SMAD9: variants seen among roughly 807,000 people sequenced by gnomAD.
The protein encoded by SMAD9 is MAD homolog 9.
A neutral mutation model predicts 46.1 loss-of-function variants in SMAD9; 36 were observed. That is an observed-to-expected ratio of 0.78 (90% CI 0.60 to 1.03). SMAD9 has a LOEUF of 1.03. Among genes scored for constraint, SMAD9 ranks in the 50% least tolerant of loss-of-function variants. The probability of loss-of-function intolerance (pLI) is 0.00; values close to 1 mark genes in which losing one functional copy is unlikely to be tolerated. For missense variants in SMAD9, 572 were observed against 599.8 expected (o/e 0.95, Z 0.48); for synonymous variants, 245 against 237.1 (o/e 1.03, Z -0.31).
At chr13:36,872,608 T>A in intron 3 of SMAD9, 50 bp downstream of exon 3, 1 of 1,593,032 alleles carries the variant, frequency 6.3e-7, no homozygotes, top group African/African-American at 1.3e-5. Flanking sequence ...TAAATCATGA[T>A]GTTGGGCTTA....
At chr13:36,877,095 G>A (rs570475385) in intron 2 of SMAD9, among the ~76,000 whole-genome samples, 9 of 152,278 alleles carry the variant, frequency 5.9e-5, no homozygotes, top group African/African-American at 2.2e-4. Context: ...CAGGTATGGT[G>A]GCTCATGCCT....
intron 5 of SMAD9, among the ~76,000 whole-genome samples, chr13:36,854,280 G>C (rs1039846814): frequency 3.9e-5 from 6 of 151,998 alleles, no homozygotes; most frequent in Admixed American, 2.0e-4. Context: ...CTGTTTATTT[G>C]TTCCAAAAAT....
chr13:36,915,452 AGATATT>A (rs1487797097), intron 1 of SMAD9, among the ~76,000 whole-genome samples: 1 of 152,240 alleles, frequency 6.6e-6, no homozygotes, highest in Non-Finnish European at 1.5e-5. Context: ...GGAAGTGATC[AGATATT>A]AAGTATTAAA....
chr13:36,902,235 T>C (rs1447776319), intron 1 of SMAD9, among the ~76,000 whole-genome samples: 2 of 152,204 alleles, frequency 1.3e-5, no homozygotes, highest in African/African-American at 2.4e-5. Context: ...GTTGAAGACA[T>C]TGTTCTCCAC....
Position 36,916,578 on chromosome 13 carries a change from GTTA to G in SMAD9, c.-187+3535_-187+3537del, listed in dbSNP as rs2058699948. On this transcript the variant is annotated intron_variant, in intron 1 of 6. Transcript: ENST00000379826. ...CAGTGAAAAAATGTGTCATGTATTT[GTTA>G]TTTATTGATAGAGTACTATAAAGGG... Among the ~76,000 whole-genome samples, 10 of 152,138 alleles carry G rather than the reference GTTA, an allele frequency of 6.6e-5. No individual in the cohort carries two copies. The South Asian group carries it at 2.1e-3, about 32-fold the overall frequency.
At chr13:36,896,017 A>G (rs1225547204) in intron 1 of SMAD9, among the ~76,000 whole-genome samples, 1 of 152,222 alleles carries the variant, frequency 6.6e-6, no homozygotes, top group Non-Finnish European at 1.5e-5. Context: ...GAAAAGACTT[A>G]GTTTTAAAAT....
intron 1 of SMAD9, among the ~76,000 whole-genome samples, chr13:36,902,610 C>T (rs952556575): frequency 5.3e-5 from 8 of 152,052 alleles, no homozygotes; most frequent in South Asian, 2.1e-4. Context: ...CCCGCCACCA[C>T]GCCCATCTAA....
chr13:36,871,202 T>C (rs2058290157), intron 3 of SMAD9, among the ~76,000 whole-genome samples: 1 of 152,218 alleles, frequency 6.6e-6, no homozygotes, highest in Non-Finnish European at 1.5e-5. Flanking sequence ...GCCTATGGTC[T>C]GGAGCTCCAT....
At chr13:36,898,653 G>C (rs2058548991) in intron 1 of SMAD9, among the ~76,000 whole-genome samples, 1 of 151,970 alleles carries the variant, frequency 6.6e-6, no homozygotes, top group Admixed American at 6.6e-5. Flanking sequence ...AAATAAAGGA[G>C]AAATGCCATA....
In SMAD9 at chr13:36,845,199, A is replaced by G. The variant is rs1225805771; in HGVS notation, c.*3477T>C. The G allele has an allele frequency of 1.3e-5, 2 of 152,002 alleles. No homozygotes were observed. Among genetic ancestry groups the G allele is most frequent in the Non-Finnish European group, 1.5e-5 (1 of 68,000 alleles). 9.4% of individuals were successfully genotyped at this position (152,002 alleles called of 1,614,324 possible). Reference sequence around the variant, plus strand: ...ACAGTCTATCAAGTGATATTTATGAAATGTTTTTGTTGCTGTTTTGTTGCT... The same window carrying G: ...ACAGTCTATCAAGTGATATTTATGAGATGTTTTTGTTGCTGTTTTGTTGCT... On this transcript the variant is annotated 3_prime_UTR_variant, in exon 7 of 7. Transcript: ENST00000379826.
chr13:36,863,631 C>T (rs2058204707), intron 5 of SMAD9, among the ~76,000 whole-genome samples: 1 of 152,104 alleles, frequency 6.6e-6, no homozygotes, highest in African/African-American at 2.4e-5. Context: ...CTGCTTGGTG[C>T]CCTCCTTGAG....
intron 5 of SMAD9, among the ~76,000 whole-genome samples, chr13:36,855,424 G>T (rs1358254717): frequency 6.6e-6 from 1 of 151,988 alleles, no homozygotes; most frequent in African/African-American, 2.4e-5. Flanking sequence ...AGAAATTCTA[G>T]TCTAGTGAAT....
chr13:36,892,922 T>C (rs1479379030), intron 1 of SMAD9, among the ~76,000 whole-genome samples: 1 of 152,218 alleles, frequency 6.6e-6, no homozygotes, highest in East Asian at 1.9e-4. Flanking sequence ...TGTTTAGTTA[T>C]AAAATTAGAA....
intron 3 of SMAD9, among the ~76,000 whole-genome samples, chr13:36,871,918 C>T (rs1156257736): frequency 6.6e-6 from 1 of 152,196 alleles, no homozygotes; most frequent in Non-Finnish European, 1.5e-5. Context: ...CAGATTGTAA[C>T]ATCTGGCACC....
intron 5 of SMAD9, among the ~76,000 whole-genome samples, chr13:36,859,142 A>G (rs184351444): frequency 1.3e-5 from 2 of 152,372 alleles, no homozygotes; most frequent in East Asian, 3.9e-4. Context: ...TAATGACTGT[A>G]ACAGTGTGAC....
At position 36,863,887 on chromosome 13, in the gene SMAD9, T is replaced by C. The variant is rs141566624; in HGVS notation, c.1003+1650A>G. On this transcript the variant is annotated intron_variant, in intron 5 of 6. Coordinates refer to ENST00000379826, the MANE Select transcript of SMAD9 (RefSeq NM_001127217.3). Reference sequence around the variant, plus strand: ...TTACCCAGTCTCAGGTATTCCTTTATAGCAGTGAAACAGACTACCACACAC... The same window carrying C: ...TTACCCAGTCTCAGGTATTCCTTTACAGCAGTGAAACAGACTACCACACAC... Among the ~76,000 whole-genome samples the C allele has an allele frequency of 4.1e-3, 620 of 152,282 alleles. 8 individuals carry two copies. Among genetic ancestry groups the C allele is most frequent in the African/African-American group, 0.014 (583 of 41,548 alleles).
intron 1 of SMAD9, among the ~76,000 whole-genome samples, chr13:36,912,033 A>G (rs2058666007): frequency 1.3e-5 from 2 of 152,170 alleles, no homozygotes; most frequent in African/African-American, 4.8e-5. Flanking sequence ...TTTATTTGCT[A>G]AAGAGAAGCA....
At chr13:36,898,214 T>C (rs1000053321) in intron 1 of SMAD9, among the ~76,000 whole-genome samples, 1 of 151,984 alleles carries the variant, frequency 6.6e-6, no homozygotes, top group African/African-American at 2.4e-5. Flanking sequence ...GTAGGTAACA[T>C]AGTTGGTCTA....
intron 1 of SMAD9, among the ~76,000 whole-genome samples, chr13:36,883,314 TCA>T (rs1391791825): frequency 3.9e-5 from 6 of 152,072 alleles, no homozygotes; most frequent in Non-Finnish European, 7.3e-5. Context: ...AATATTTCTC[TCA>T]GTTACTACAT....
Sources: allele counts gnomAD v4.1 joint callset (sites outside exome capture counted in the v4.1 genomes callset), GRCh38; gene constraint gnomAD v4.1.1; transcripts MANE v1.5; gene names NCBI Gene and HGNC (gene_info 2026-07-23, HGNC 2026-07-21).